CNTNAP4: variants seen among roughly 807,000 people sequenced by gnomAD.
The protein encoded by CNTNAP4 is contactin-associated protein-like 4.
In CNTNAP4, 98 loss-of-function variants were observed where a neutral mutation model predicts 148.4. The ratio of observed to expected loss-of-function variants is 0.66; its 90% CI spans 0.56 to 0.78. CNTNAP4 has a LOEUF of 0.78. CNTNAP4 is among the 30% of genes least tolerant of loss of function. CNTNAP4 has a pLI of 0.00. For missense variants in CNTNAP4, 1,935 were observed against 1,565.6 expected (o/e 1.24, Z -3.98); for synonymous variants, 730 against 565.1 (o/e 1.29, Z -4.14).
intron 3 of CNTNAP4, among the ~76,000 whole-genome samples, chr16:76,407,524 A>G (rs1278691214): frequency 1.3e-5 from 2 of 151,926 alleles, no homozygotes. Context: ...ACCCTTAGGG[A>G]TGACTTTGAG....
chr16:76,301,870 A>G (rs1960005986), intron 1 of CNTNAP4, among the ~76,000 whole-genome samples: 1 of 152,200 alleles, frequency 6.6e-6, no homozygotes, highest in East Asian at 1.9e-4. Flanking sequence ...GGTTTTGCAC[A>G]GGAATAATCA....
chr16:76,369,681 A>G (rs1314139867), intron 3 of CNTNAP4, among the ~76,000 whole-genome samples: 1 of 152,202 alleles, frequency 6.6e-6, no homozygotes, highest in African/African-American at 2.4e-5. Flanking sequence ...ATCTCTACAG[A>G]AAACACAAAA....
intron 3 of CNTNAP4, among the ~76,000 whole-genome samples, chr16:76,413,908 C>T (rs941727538): frequency 1.1e-4 from 16 of 151,054 alleles, no homozygotes; most frequent in Non-Finnish European, 1.8e-4. Context: ...ATGTTTAATT[C>T]ATTTTTATAT....
intron 19 of CNTNAP4, among the ~76,000 whole-genome samples, chr16:76,539,491 A>G (rs761115413): frequency 2.6e-5 from 4 of 152,082 alleles, no homozygotes; most frequent in Non-Finnish European, 5.9e-5. Context: ...GTTAAATTAA[A>G]AGATTTGCAG....
In CNTNAP4 at chr16:76,435,498, T is replaced by G. The variant is rs1304154825; in HGVS notation, c.538+7899T>G. Reference sequence around the variant, plus strand: ...TTCCCATTTTATTTAAATTTTGTCGTTGAGTGACTGTGGTTCCCACTGTTA... The same window carrying G: ...TTCCCATTTTATTTAAATTTTGTCGGTGAGTGACTGTGGTTCCCACTGTTA... On this transcript the variant is annotated intron_variant, in intron 4 of 23. Coordinates refer to ENST00000611870, the MANE Select transcript of CNTNAP4 (RefSeq NM_033401.5). Among the ~76,000 whole-genome samples the G allele has an allele frequency of 2.0e-5, 3 of 152,152 alleles. No individual in the cohort carries two copies. The East Asian group carries it at 5.8e-4, about 29-fold the overall frequency.
chr16:76,486,128 G>A (rs2082016029), intron 12 of CNTNAP4, among the ~76,000 whole-genome samples: 1 of 152,164 alleles, frequency 6.6e-6, no homozygotes, highest in Non-Finnish European at 1.5e-5. Context: ...TTCAGGGGGA[G>A]ACGTGAGTAG....
chr16:76,309,798 G>GT, intron 1 of CNTNAP4: 2 of 698,626 alleles, frequency 2.9e-6, no homozygotes, highest in South Asian at 3.0e-5. Flanking sequence ...GTGATAGTGA[G>GT]TAAGTGTCAT....
intron 3 of CNTNAP4, among the ~76,000 whole-genome samples, chr16:76,372,495 G>A (rs570104208): frequency 6.6e-6 from 1 of 152,148 alleles, no homozygotes; most frequent in African/African-American, 2.4e-5. Flanking sequence ...TGATTTCCAC[G>A]TGTTGTGGGA....
intron 4 of CNTNAP4, among the ~76,000 whole-genome samples, chr16:76,430,464 A>G (rs991221443): frequency 1.3e-5 from 2 of 152,176 alleles, no homozygotes; most frequent in East Asian, 3.9e-4. Context: ...TCCCTTAAGT[A>G]GCACAGACCC....
At chr16:76,517,847 G>A (rs971434598) in intron 15 of CNTNAP4, among the ~76,000 whole-genome samples, 1 of 151,720 alleles carries the variant, frequency 6.6e-6, no homozygotes, top group Non-Finnish European at 1.5e-5. Flanking sequence ...CCCTAACCCT[G>A]GGAAACCACA....
chr16:76,547,933 G>A (rs2084804416), intron 21 of CNTNAP4, among the ~76,000 whole-genome samples: 2 of 152,148 alleles, frequency 1.3e-5, no homozygotes, highest in African/African-American at 4.8e-5. Context: ...GGGTAAAAAA[G>A]AAAGTTTAAT....
Position 76,449,795 on chromosome 16 carries a change from C to G in CNTNAP4, c.1008C>G (p.Leu336=), listed in dbSNP as rs1302280585. Residue 336 remains leucine, a synonymous_variant, in exon 7 of 24, where the codon CTC becomes CTG. Transcript: ENST00000611870. The part of the protein sequence containing the change: ...HRNFHGCLEN[L]YYNGVDIIDL... ...ATTTTCATGGATGTTTAGAAAATCT[C>G]TATTATAATGGAGTGGATATCATTG... 3.1e-6 allele frequency: 5 copies of G among 1,601,982 alleles called. No individual in the cohort carries two copies. The Admixed American group carries it at 5.1e-5, about 16-fold the overall frequency.
At chr16:76,423,663 A>G (rs1009110895) in intron 3 of CNTNAP4, among the ~76,000 whole-genome samples, 3 of 152,172 alleles carry the variant, frequency 2.0e-5, no homozygotes, top group Admixed American at 6.6e-5. Context: ...ATATAGCATC[A>G]TATGCATCAT....
intron 3 of CNTNAP4, among the ~76,000 whole-genome samples, chr16:76,378,787 G>A (rs1045434333): frequency 6.6e-6 from 1 of 152,136 alleles, no homozygotes; most frequent in Non-Finnish European, 1.5e-5. Flanking sequence ...TGTCCTCCAT[G>A]TCAGTGAGGG....
In CNTNAP4 at chr16:76,371,098, C is replaced by T. The variant is rs184539202; in HGVS notation, c.390+15587C>T. ...AGTGGTGCTCTCCTTAATCAATTAT[C>T]GATTCAATTCTTTATTTCTCAAAAT... On this transcript the variant is annotated intron_variant, in intron 3 of 23. Transcript: ENST00000611870. Among the ~76,000 whole-genome samples the T allele has an allele frequency of 4.6e-5, 7 of 152,172 alleles. No individual in the cohort carries two copies. The East Asian group carries it at 5.8e-4, about 13-fold the overall frequency.
chr16:76,294,891 A>G (rs1959196933), intron 1 of CNTNAP4, among the ~76,000 whole-genome samples: 1 of 152,208 alleles, frequency 6.6e-6, no homozygotes, highest in South Asian at 2.1e-4. Flanking sequence ...TTCGACTCTC[A>G]GATACACAAT....
rs138670929 is a variant in CNTNAP4 at position 76,551,405 on chromosome 16, AT to A, written c.3443-1877del. ...AGAGTGAGAGTCTGTTAAAAAAAAA[AT>A]ATATATATATATATATTAGAGCTCA... On this transcript the variant is annotated intron_variant, in intron 21 of 23. Transcript: ENST00000611870. 3.8e-3 allele frequency among the ~76,000 whole-genome samples: 240 copies of A among 63,050 alleles called. 2 individuals carry two copies. Among genetic ancestry groups the A allele is most frequent in the African/African-American group, 0.011 (182 of 17,134 alleles). 41.4% of individuals were successfully genotyped at this position (63,050 alleles called of 152,430 possible). A position where few individuals can be genotyped will look rare whatever the true frequency, so the allele number is the denominator to read the frequency against.
chr16:76,354,430 T>A (rs1484150897), intron 2 of CNTNAP4, among the ~76,000 whole-genome samples: 1 of 152,294 alleles, frequency 6.6e-6, no homozygotes, highest in Non-Finnish European at 1.5e-5. Context: ...TACTTCTGAG[T>A]GATCAAGCAC....
chr16:76,536,229 T>C (rs2084206043), intron 18 of CNTNAP4, among the ~76,000 whole-genome samples: 1 of 152,064 alleles, frequency 6.6e-6, no homozygotes, highest in Admixed American at 6.5e-5. Context: ...ACTCTGTCAC[T>C]CTGTCACCCA....
Sources: gnomAD v4.1 joint callset for allele counts (sites outside exome capture counted in the v4.1 genomes callset) on GRCh38, gnomAD v4.1.1 for gene constraint, MANE v1.5 for transcripts, NCBI Gene and HGNC (gene_info 2026-07-23, HGNC 2026-07-21) for gene names.